CDH11: variants seen among roughly 807,000 people sequenced by gnomAD.
CDH11 encodes the protein cadherin 11, also known as cadherin-11.
In CDH11, 11 loss-of-function variants were observed where a neutral mutation model predicts 67.8. The observed-to-expected ratio is 0.16, with a 90% CI of 0.10 to 0.27. CDH11 has a LOEUF of 0.27. CDH11 is among the 10% of genes least tolerant of loss of function. CDH11 has a pLI of 1.00. For missense variants in CDH11, 847 were observed against 1,031.2 expected (o/e 0.82, Z 2.45); for synonymous variants, 419 against 400.0 (o/e 1.05, Z -0.57).
At chr16:65,006,781 C>G (rs1005171946) in intron 2 of CDH11, 1 of 152,138 alleles carries the variant, frequency 6.6e-6, no homozygotes, top group Non-Finnish European at 1.5e-5. Flanking sequence ...TGGGAGGGAC[C>G]CAGCGGGAGG....
At chr16:65,086,560 A>C (rs1335584322) in intron 1 of CDH11, among the ~76,000 whole-genome samples, 1 of 152,236 alleles carries the variant, frequency 6.6e-6, no homozygotes, top group African/African-American at 2.4e-5. Flanking sequence ...TGATGTACAG[A>C]ATGAGATAGC....
intron 2 of CDH11, among the ~76,000 whole-genome samples, chr16:65,042,462 A>C (rs1361831953): frequency 6.6e-6 from 1 of 152,096 alleles, no homozygotes; most frequent in Non-Finnish European, 1.5e-5. Flanking sequence ...AGAGAATAGA[A>C]AATGCAAAGT....
rs370489008 is a variant in CDH11 at position 65,034,975 on chromosome 16, G to C, written c.-173+18829C>G. 2.0e-5 allele frequency among the ~76,000 whole-genome samples: 3 copies of C among 152,300 alleles called. No individual in the cohort carries two copies. The East Asian group carries it at 5.8e-4, about 30-fold the overall frequency. Reference sequence around the variant, plus strand: ...TCGACCCTCGAGTTATCAAGAGGAGGCTTTGAAATCTGCAAAGACCTAGTT... The same window carrying C: ...TCGACCCTCGAGTTATCAAGAGGAGCCTTTGAAATCTGCAAAGACCTAGTT... On this transcript the variant is annotated intron_variant, in intron 2 of 12. Coordinates refer to ENST00000268603, the MANE Select transcript of CDH11 (RefSeq NM_001797.4).
At chr16:65,087,274 C>T (rs550358766) in intron 1 of CDH11, among the ~76,000 whole-genome samples, 2 of 152,194 alleles carry the variant, frequency 1.3e-5, no homozygotes, top group Non-Finnish European at 2.9e-5. Context: ...ATTCTTCATG[C>T]CTTCCCTTAG....
At chr16:65,043,921 C>T (rs1460972608) in intron 2 of CDH11, among the ~76,000 whole-genome samples, 1 of 152,136 alleles carries the variant, frequency 6.6e-6, no homozygotes, top group Non-Finnish European at 1.5e-5. Flanking sequence ...GGCTCTGCTT[C>T]ACCTCTTTGG....
intron 1 of CDH11, among the ~76,000 whole-genome samples, chr16:65,071,230 C>T (rs541398452): frequency 1.3e-5 from 2 of 152,304 alleles, no homozygotes; most frequent in Admixed American, 6.5e-5. Context: ...AGCCCGTTAA[C>T]GATTCCATAC....
chr16:65,099,324 C>T (rs558284517), intron 1 of CDH11, among the ~76,000 whole-genome samples: 2 of 152,300 alleles, frequency 1.3e-5, no homozygotes, highest in African/African-American at 4.8e-5. Context: ...TGTCATCCAA[C>T]AATTTTGAGG....
chr16:65,022,640 C>T (rs2073450629), intron 2 of CDH11, among the ~76,000 whole-genome samples: 1 of 152,118 alleles, frequency 6.6e-6, no homozygotes, highest in African/African-American at 2.4e-5. Flanking sequence ...TAGGACATAA[C>T]AAGAAAAGGT....
chr16:65,113,103 T>G (rs1597210680), intron 1 of CDH11, among the ~76,000 whole-genome samples: 1 of 151,998 alleles, frequency 6.6e-6, no homozygotes, highest in African/African-American at 2.4e-5. Context: ...TTGACCAACA[T>G]AGTGAAACCC....
intron 1 of CDH11, among the ~76,000 whole-genome samples, chr16:65,115,722 CAA>C (rs959719329): frequency 1.6e-4 from 14 of 87,310 alleles, no homozygotes; most frequent in South Asian, 3.9e-4. Flanking sequence ...AAAAAAAAAA[CAA>C]AAAAACAAAA....
At chr16:65,105,182 T>C (rs573375829) in intron 1 of CDH11, among the ~76,000 whole-genome samples, 24 of 152,350 alleles carry the variant, frequency 1.6e-4, no homozygotes, top group African/African-American at 5.8e-4. Flanking sequence ...ATATGAAGGC[T>C]GGGTTTTCTT....
rs190206785 is a variant in CDH11 at position 65,075,188 on chromosome 16, A to T, written c.-297-21260T>A. Among the ~76,000 whole-genome samples, 28 of 152,306 alleles carry T rather than the reference A, an allele frequency of 1.8e-4. No individual in the cohort carries two copies. In the East Asian group the frequency reaches 5.0e-3, roughly 27 times the overall value. On this transcript the variant is annotated intron_variant, in intron 1 of 12. Transcript: ENST00000268603. Reference sequence around the variant, plus strand: ...CTTGGATAGGGAAAAATGGGGGGAAAGTAGGCCTGAAAGGAATGGCTCTCA... The same window carrying T: ...CTTGGATAGGGAAAAATGGGGGGAATGTAGGCCTGAAAGGAATGGCTCTCA...
At chr16:64,998,000 G>A (rs1022385687) in intron 4 of CDH11, among the ~76,000 whole-genome samples, 8 of 152,198 alleles carry the variant, frequency 5.3e-5, no homozygotes, top group Non-Finnish European at 1.2e-4. Flanking sequence ...TTGCCAGAAG[G>A]TGGCTAATTC....
chr16:65,015,015 T>TTTA (rs71143548), intron 2 of CDH11, among the ~76,000 whole-genome samples: 39,939 of 135,600 alleles, frequency 0.29, 6,010 homozygotes, highest in South Asian at 0.42. Context: ...GCCTGGCTAA[T>TTTA]TTATTATTAT....
At chr16:65,098,084 C>A (rs1247281537) in intron 1 of CDH11, among the ~76,000 whole-genome samples, 2 of 152,020 alleles carry the variant, frequency 1.3e-5, no homozygotes, top group Non-Finnish European at 2.9e-5. Context: ...TGGAGAAAAT[C>A]AATTATCAAA....
chr16:64,966,973 C>G (rs1280817913), intron 11 of CDH11, among the ~76,000 whole-genome samples: 1 of 152,000 alleles, frequency 6.6e-6, no homozygotes, highest in Non-Finnish European at 1.5e-5. Context: ...AAAAGAAGAA[C>G]TGATTAATAA....
rs144687158 is a variant in CDH11 at position 65,121,624 on chromosome 16, G to C, written c.-298+256C>G. Among the ~76,000 whole-genome samples the C allele has an allele frequency of 3.9e-3, 591 of 152,350 alleles. 5 individuals are homozygous for C. Among genetic ancestry groups the C allele is most frequent in the African/African-American group, 0.014 (572 of 41,590 alleles). ...CCCCACAGGAGGCCGGAGCCAGGGA[G>C]AGTCGTGGAGCGCACATCTGAAGCC... On this transcript the variant is annotated intron_variant, in intron 1 of 12. Coordinates refer to ENST00000268603, the MANE Select transcript of CDH11 (RefSeq NM_001797.4). The surrounding 1 kb of genome is among the most constrained non-coding windows in gnomAD (Gnocchi z 4.1).
At chr16:64,976,076 G>A (rs1309092992) in intron 8 of CDH11, among the ~76,000 whole-genome samples, 1 of 152,292 alleles carries the variant, frequency 6.6e-6, no homozygotes, top group Admixed American at 6.5e-5. Context: ...AAATGAGTGA[G>A]CCAGTGAAAG....
At chr16:65,063,112 A>G (rs1567556194) in intron 1 of CDH11, among the ~76,000 whole-genome samples, 1 of 152,186 alleles carries the variant, frequency 6.6e-6, no homozygotes, top group African/African-American at 2.4e-5. Flanking sequence ...GCGAAAAATC[A>G]TTTGTCAATA....
Sources: gnomAD v4.1 joint callset for allele counts (sites outside exome capture counted in the v4.1 genomes callset) on GRCh38, gnomAD v4.1.1 for gene constraint, Gnocchi (gnomAD v3.1) non-coding constraint, MANE v1.5 for transcripts, NCBI Gene and HGNC (gene_info 2026-07-23, HGNC 2026-07-21) for gene names.